EEA1: variants seen among roughly 807,000 people sequenced by gnomAD.
EEA1 encodes the protein early endosome antigen 1, 162kD.
In EEA1, 111 loss-of-function variants were observed where a neutral mutation model predicts 209.2. That is an observed-to-expected ratio of 0.53 (90% confidence interval 0.45 to 0.62). EEA1 has a LOEUF of 0.62. Ranked by LOEUF, EEA1 falls within the 20% of genes least tolerant of loss-of-function variation. The pLI is 0.00. For synonymous variants in EEA1, 536 were observed against 540.6 expected, an observed-to-expected ratio of 0.99 and a Z score of 0.12; for missense variants, 1,343 against 1,530.8, an observed-to-expected ratio of 0.88 and a Z score of 2.05.
intron 1 of EEA1, among the ~76,000 whole-genome samples, chr12:92,924,926 T>C (rs1881152405): frequency 1.3e-5 from 2 of 150,226 alleles, no homozygotes; most frequent in African/African-American, 4.9e-5. Context: ...TTCAATAAAT[T>C]AGCAATACTT....
chr12:92,782,913 ACTTCT>A (rs1873966187), intron 22 of EEA1, among the ~76,000 whole-genome samples: 1 of 152,180 alleles, frequency 6.6e-6, no homozygotes, highest in African/African-American at 2.4e-5. Flanking sequence ...GGTTTGGGGA[ACTTCT>A]AGATAGCTGA....
chr12:92,900,237 T>C (rs1383295051), intron 1 of EEA1, among the ~76,000 whole-genome samples: 2 of 152,184 alleles, frequency 1.3e-5, no homozygotes, highest in Non-Finnish European at 2.9e-5. Flanking sequence ...CATTTCAGAT[T>C]TCTCCCCTCG....
intron 2 of EEA1, among the ~76,000 whole-genome samples, chr12:92,873,367 G>A (rs568207202): frequency 6.6e-6 from 1 of 152,290 alleles, no homozygotes; most frequent in Admixed American, 6.5e-5. Context: ...CCAAGGAAAT[G>A]AAGTAATGAG....
At chr12:92,912,628 G>A (rs1355373929) in intron 1 of EEA1, among the ~76,000 whole-genome samples, 1 of 152,156 alleles carries the variant, frequency 6.6e-6, no homozygotes, top group African/African-American at 2.4e-5. Flanking sequence ...TTGTATAGTG[G>A]TGAAGTCTCG....
chr12:92,870,849 G>A (rs1878611706), intron 2 of EEA1, among the ~76,000 whole-genome samples: 1 of 151,860 alleles, frequency 6.6e-6, no homozygotes, highest in Non-Finnish European at 1.5e-5. Context: ...GCTAGTTTTT[G>A]TATTTTTAGT....
At chr12:92,912,682 T>C (rs779986583) in intron 1 of EEA1, among the ~76,000 whole-genome samples, 10 of 152,162 alleles carry the variant, frequency 6.6e-5, no homozygotes, top group Non-Finnish European at 1.3e-4. Flanking sequence ...CTGTACAGAA[T>C]AGGTAATTTT....
rs1874792451 is a variant in EEA1 at position 92,799,209 on chromosome 12, A to G, written c.2773-123T>C. On this transcript the variant is annotated intron_variant, in intron 20 of 28. Coordinates refer to ENST00000322349, the MANE Select transcript of EEA1 (RefSeq NM_003566.4). ...TCATTCAAAAGACAATTTACTGAGT[A>G]ACTACTACACTCCAGGCACTACTCT... 3.8e-6 allele frequency: 3 copies of G among 797,662 alleles called. No individual in the cohort carries two copies. The East Asian group carries it at 8.7e-5, about 23-fold the overall frequency. The allele number at this position is 797,662 out of a possible 1,614,324, so 49.4% of individuals were successfully genotyped here.
At chr12:92,921,852 G>A (rs1274877435) in intron 1 of EEA1, among the ~76,000 whole-genome samples, 2 of 114,494 alleles carry the variant, frequency 1.7e-5, no homozygotes, top group African/African-American at 6.8e-5. Context: ...TGGCGACAGA[G>A]CAAGACTCTG....
intron 11 of EEA1, among the ~76,000 whole-genome samples, chr12:92,830,069 G>T (rs1265497607): frequency 2.0e-5 from 3 of 151,886 alleles, no homozygotes; most frequent in Non-Finnish European, 4.4e-5. Context: ...TACTATACGG[G>T]CAATGGGTAC....
intron 1 of EEA1, among the ~76,000 whole-genome samples, chr12:92,922,028 A>G (rs1389590962): frequency 6.6e-6 from 1 of 151,736 alleles, no homozygotes; most frequent in African/African-American, 2.4e-5. Context: ...TCCCCCTGTG[A>G]CTCTCTTGAA....
chr12:92,913,341 C>CT (rs1880647713), intron 1 of EEA1, among the ~76,000 whole-genome samples: 1 of 152,220 alleles, frequency 6.6e-6, no homozygotes, highest in Non-Finnish European at 1.5e-5. Flanking sequence ...CTTGTATGTC[C>CT]TCTTTTGAGA....
At chr12:92,904,000 C>T (rs1880263230) in intron 1 of EEA1, among the ~76,000 whole-genome samples, 1 of 151,300 alleles carries the variant, frequency 6.6e-6, no homozygotes, top group African/African-American at 2.4e-5. Flanking sequence ...TTCTCTCTTG[C>T]TGCCCAGACT....
chr12:92,848,557 T>A (rs1877474864), intron 9 of EEA1, among the ~76,000 whole-genome samples: 1 of 152,082 alleles, frequency 6.6e-6, no homozygotes, highest in African/African-American at 2.4e-5. Context: ...GGTATTTTAA[T>A]CTACAATAGA....
intron 5 of EEA1, among the ~76,000 whole-genome samples, chr12:92,854,372 G>A (rs1393538930): frequency 6.6e-6 from 1 of 152,132 alleles, no homozygotes; most frequent in Non-Finnish European, 1.5e-5. Context: ...TTGCTACATG[G>A]ATGCTACATA....
At chr12:92,777,069 A>G (rs762859136) in intron 27 of EEA1, 127 bp from the exon 28 acceptor site, 4 of 812,770 alleles carry the variant, frequency 4.9e-6, no homozygotes, top group Non-Finnish European at 7.7e-6. Context: ...AAATTTTAAA[A>G]ATCAGAAATA....
chr12:92,867,853 T>C (rs938558941), intron 2 of EEA1, among the ~76,000 whole-genome samples: 1 of 43,944 alleles, frequency 2.3e-5, no homozygotes, highest in Non-Finnish European at 5.0e-5. Flanking sequence ...AGCTGCATAG[T>C]GTATGTGTGT....
intron 3 of EEA1, 43 bp from the exon 4 acceptor site, chr12:92,857,528 T>C: frequency 7.6e-7 from 1 of 1,318,228 alleles, no homozygotes; most frequent in East Asian, 2.4e-5. Flanking sequence ...CAATGTCCTT[T>C]AATTAACAAA....
intron 2 of EEA1, chr12:92,884,547 A>C: frequency 6.7e-7 from 1 of 1,499,500 alleles, no homozygotes; most frequent in African/African-American, 1.4e-5. Context: ...TACAACAATC[A>C]GTCTTCAAAT....
intron 23 of EEA1, among the ~76,000 whole-genome samples, chr12:92,781,602 C>A (rs1375418099): frequency 6.6e-6 from 1 of 152,130 alleles, no homozygotes; most frequent in African/African-American, 2.4e-5. Flanking sequence ...ATTTCTAGAT[C>A]TTTTATTATC....
Sources: allele counts gnomAD v4.1 joint callset (sites outside exome capture counted in the v4.1 genomes callset), GRCh38; gene constraint gnomAD v4.1.1; transcripts MANE v1.5; gene names NCBI Gene and HGNC (gene_info 2026-07-23, HGNC 2026-07-21).